Variants in CSRNP3 observed in about 807,000 individuals in gnomAD.
The protein encoded by CSRNP3 is cysteine and serine rich nuclear protein 3.
Under a neutral mutation model 48.0 loss-of-function variants are expected in CSRNP3, and 12 were observed. That is an observed-to-expected ratio of 0.25 (90% CI 0.16 to 0.41). The LOEUF (loss-of-function observed/expected upper bound fraction) is 0.41. Ranked by LOEUF, CSRNP3 falls within the 10% of genes least tolerant of loss-of-function variation. CSRNP3 has a pLI of 1.00. For synonymous variants in CSRNP3, 263 were observed against 269.7 expected, an observed-to-expected ratio of 0.98 and a Z score of 0.24; for missense variants, 580 against 724.4, an observed-to-expected ratio of 0.80 and a Z score of 2.29.
chr2:165,547,854 A>G (rs1296403864), intron 3 of CSRNP3, among the ~76,000 whole-genome samples: 1 of 152,052 alleles, frequency 6.6e-6, no homozygotes, highest in Non-Finnish European at 1.5e-5. Flanking sequence ...AATTCTGAAA[A>G]CCACTTGCAA....
intron 3 of CSRNP3, among the ~76,000 whole-genome samples, chr2:165,584,482 A>G (rs976554366): frequency 7.9e-5 from 12 of 152,216 alleles, no homozygotes; most frequent in African/African-American, 4.8e-5. Flanking sequence ...ATTTATTTCC[A>G]TTATGGGTGA....
chr2:165,589,484 G>T (rs1439095455), intron 3 of CSRNP3, among the ~76,000 whole-genome samples: 1 of 152,180 alleles, frequency 6.6e-6, no homozygotes, highest in African/African-American at 2.4e-5. Context: ...TGTTTCATGG[G>T]TGTAGGTGTA....
At chr2:165,490,010 C>T (rs1684180907) in intron 1 of CSRNP3, among the ~76,000 whole-genome samples, 4 of 152,054 alleles carry the variant, frequency 2.6e-5, no homozygotes, top group Admixed American at 2.6e-4. Context: ...GTCAAATTGT[C>T]CCTGTTTGCA....
chr2:165,561,001 AG>A (rs1278271077), intron 3 of CSRNP3, among the ~76,000 whole-genome samples: 1 of 152,210 alleles, frequency 6.6e-6, no homozygotes, highest in Admixed American at 6.5e-5. Flanking sequence ...TAGTGGATTT[AG>A]GGCCAGAAAA....
rs145323186 is a variant in CSRNP3 at position 165,643,378 on chromosome 2, T to A, written c.149-14383T>A. Among the ~76,000 whole-genome samples the A allele has an allele frequency of 9.3e-4, 141 of 152,316 alleles. No individual in the cohort carries two copies. The Middle Eastern group carries it at 0.017, about 18-fold the overall frequency. ...GACAAAGAACAGTCTTGCTTACTGC[T>A]TGCTAAAAACCAGTAGGTTACCAAG... is the stretch of plus-strand genomic sequence containing the variant. On this transcript the variant is annotated intron_variant, in intron 4 of 6. Coordinates refer to ENST00000651982, the MANE Select transcript of CSRNP3 (RefSeq NM_001172173.2).
intron 4 of CSRNP3, among the ~76,000 whole-genome samples, chr2:165,619,205 T>C (rs928864632): frequency 2.0e-5 from 3 of 152,186 alleles, no homozygotes; most frequent in Non-Finnish European, 4.4e-5. Context: ...CCTATGATTG[T>C]TCCTAGAAGA....
At chr2:165,597,406 G>T (rs1204235124) in intron 4 of CSRNP3, among the ~76,000 whole-genome samples, 1 of 152,056 alleles carries the variant, frequency 6.6e-6, no homozygotes, top group Non-Finnish European at 1.5e-5. Context: ...TTTAAGAAAT[G>T]GTTATGGTCT....
intron 4 of CSRNP3, among the ~76,000 whole-genome samples, chr2:165,603,603 A>C (rs1016957060): frequency 5.9e-4 from 89 of 151,822 alleles, no homozygotes; most frequent in African/African-American, 2.0e-3. Flanking sequence ...ATAAGTTTCC[A>C]TGCCACACCA....
chr2:165,676,754 A>G, intron 6 of CSRNP3, 146 bp downstream of exon 6: 1 of 633,468 alleles, frequency 1.6e-6, no homozygotes, highest in East Asian at 2.7e-5. Flanking sequence ...GAAGAAAGAC[A>G]TAATTCAGGA....
intron 1 of CSRNP3, among the ~76,000 whole-genome samples, chr2:165,482,956 C>G (rs1473207972): frequency 6.6e-6 from 1 of 151,870 alleles, no homozygotes; most frequent in Non-Finnish European, 1.5e-5. Flanking sequence ...CAACCTAAGC[C>G]CATGATTATA....
intron 2 of CSRNP3, among the ~76,000 whole-genome samples, chr2:165,501,685 A>G (rs962635527): frequency 1.3e-5 from 2 of 152,104 alleles, no homozygotes; most frequent in African/African-American, 4.8e-5. Context: ...TATGTTCATG[A>G]CTTTTTACTA....
At chr2:165,492,893 T>C (rs1477969937) in intron 1 of CSRNP3, among the ~76,000 whole-genome samples, 1 of 130,868 alleles carries the variant, frequency 7.6e-6, no homozygotes, top group East Asian at 2.2e-4. Flanking sequence ...TCTCTTTCTA[T>C]AGAACAGCAT....
chr2:165,634,009 A>G (rs1192431218), intron 4 of CSRNP3, among the ~76,000 whole-genome samples: 1 of 152,224 alleles, frequency 6.6e-6, no homozygotes, highest in Non-Finnish European at 1.5e-5. Context: ...CAATTCATTT[A>G]TTCTACAAAT....
intron 5 of CSRNP3, among the ~76,000 whole-genome samples, chr2:165,664,514 A>G (rs1290072776): frequency 6.6e-6 from 1 of 152,172 alleles, no homozygotes; most frequent in East Asian, 1.9e-4. Flanking sequence ...TTTGAAAGCA[A>G]TGGTGATGGA....
At chr2:165,521,690 TC>T (rs1323935179) in intron 3 of CSRNP3, among the ~76,000 whole-genome samples, 1 of 152,204 alleles carries the variant, frequency 6.6e-6, no homozygotes, top group African/African-American at 2.4e-5. Context: ...CCAAGGTTTT[TC>T]AACTTCAGCA....
rs1685788973 is a variant in CSRNP3 at position 165,595,128 on chromosome 2, G to A, written c.63G>A (p.Val21=). Residue 21 remains valine, a synonymous_variant, in exon 4 of 7, where the codon GTG becomes GTA. Coordinates refer to ENST00000651982, the MANE Select transcript of CSRNP3 (RefSeq NM_001172173.2). ...EVDGSSPCSS[V]RESDDEVSSS... ...ACGGCTCCTCACCCTGCTCCTCTGT[G>A]AGGGAATCAGATGATGAAGTTTCCA... 1 of 1,614,144 alleles carries A rather than the reference G, an allele frequency of 6.2e-7. No homozygotes were observed. The highest frequency in any genetic ancestry group is 1.3e-5 in the African/African-American group (1 of 75,046).
chr2:165,651,831 T>C (rs1212184152), intron 4 of CSRNP3, among the ~76,000 whole-genome samples: 1 of 151,960 alleles, frequency 6.6e-6, no homozygotes, highest in African/African-American at 2.4e-5. Flanking sequence ...AATTTTTGTA[T>C]TTTTAGTAGA....
intron 4 of CSRNP3, among the ~76,000 whole-genome samples, chr2:165,622,618 G>A (rs956851617): frequency 1.1e-4 from 17 of 152,092 alleles, no homozygotes; most frequent in African/African-American, 3.9e-4. Flanking sequence ...TTTCTATCTT[G>A]TGTTTGAAGT....
chr2:165,516,277 A>C (rs1684581632), intron 2 of CSRNP3, among the ~76,000 whole-genome samples: 2 of 152,122 alleles, frequency 1.3e-5, no homozygotes, highest in Non-Finnish European at 2.9e-5. Context: ...TGTTGCTCAA[A>C]ATAAGTGCAA....
Sources: allele counts gnomAD v4.1 joint callset (sites outside exome capture counted in the v4.1 genomes callset), GRCh38; gene constraint gnomAD v4.1.1; transcripts MANE v1.5; gene names NCBI Gene and HGNC (gene_info 2026-07-23, HGNC 2026-07-21).